ZEB1: variants seen among roughly 807,000 people sequenced by gnomAD.
ZEB1 encodes zinc finger E-box-binding homeobox 1.
A neutral mutation model predicts 84.9 loss-of-function variants in ZEB1; 21 were observed. That is an observed-to-expected ratio of 0.25 (90% confidence interval 0.18 to 0.36). The LOEUF (loss-of-function observed/expected upper bound fraction) is 0.36, where lower values mean the gene tolerates loss of function less well. ZEB1 is among the 10% of genes least tolerant of loss of function. ZEB1 has a pLI of 1.00. For missense variants in ZEB1, 1,104 were observed against 1,330.2 expected (o/e 0.83, Z 2.65); for synonymous variants, 420 against 471.1 (o/e 0.89, Z 1.41).
intron 1 of ZEB1, among the ~76,000 whole-genome samples, chr10:31,353,892 A>G (rs2041701722): frequency 6.6e-6 from 1 of 152,222 alleles, no homozygotes; most frequent in South Asian, 2.1e-4. Flanking sequence ...TTGTTCTTGA[A>G]GATAAGACTG....
At position 31,461,154 on chromosome 10, in the gene ZEB1, A is replaced by G. The variant is rs941960318; in HGVS notation, c.176A>G (p.Asp59Gly). 3.1e-6 allele frequency: 5 copies of G among 1,613,476 alleles called. No homozygotes were observed. The African/African-American group carries it at 6.7e-5, about 22-fold the overall frequency. The change falls in exon 2 of 9, where the codon GAT (aspartate) becomes GGT (glycine). Residue 59 changes from aspartate (D) to glycine (G), a missense_variant. Asp to Gly is a moderately conservative substitution (Grantham distance 94, BLOSUM62 -1). Coordinates refer to ENST00000424869, the MANE Select transcript of ZEB1 (RefSeq NM_001174096.2). Reference protein sequence around the residue: ...DAADCEGVPEDDLPTDQTVLP... With the variant: ...DAADCEGVPEGDLPTDQTVLP... ...GCTGACTGTGAAGGTGTACCAGAGG[A>G]TGACCTGCCAACAGACCAGACAGTG...
At chr10:31,508,939 C>T (rs2069469088) in intron 4 of ZEB1, among the ~76,000 whole-genome samples, 1 of 152,136 alleles carries the variant, frequency 6.6e-6, no homozygotes, top group African/African-American at 2.4e-5. Context: ...AGCACTTTGT[C>T]CCCAGCGGTG....
chr10:31,414,916 T>A (rs1052685568), intron 1 of ZEB1, among the ~76,000 whole-genome samples: 1 of 152,214 alleles, frequency 6.6e-6, no homozygotes, highest in African/African-American at 2.4e-5. Context: ...GTTCATACTT[T>A]GTAAAACTTA....
chr10:31,446,410 C>T (rs981537413), intron 1 of ZEB1, among the ~76,000 whole-genome samples: 3 of 151,666 alleles, frequency 2.0e-5, no homozygotes, highest in African/African-American at 7.3e-5. Context: ...CTCTCTATTT[C>T]CTTCAGTTCT....
intron 4 of ZEB1, among the ~76,000 whole-genome samples, chr10:31,506,894 C>T (rs1258794889): frequency 1.3e-5 from 2 of 151,982 alleles, no homozygotes; most frequent in Non-Finnish European, 2.9e-5. Context: ...TGAGTTCTTT[C>T]TCTTTCTTAT....
At chr10:31,508,688 A>G (rs1299482276) in intron 4 of ZEB1, among the ~76,000 whole-genome samples, 1 of 152,026 alleles carries the variant, frequency 6.6e-6, no homozygotes, top group African/African-American at 2.4e-5. Flanking sequence ...CTATCATGGC[A>G]GGGGCAGGAT....
chr10:31,470,251 G>A (rs1169432104), intron 2 of ZEB1, among the ~76,000 whole-genome samples: 1 of 151,956 alleles, frequency 6.6e-6, no homozygotes, highest in South Asian at 2.1e-4. Context: ...GGCTTCAGAC[G>A]ATCAAATTAC....
At chr10:31,444,010 C>G (rs1380322516) in intron 1 of ZEB1, among the ~76,000 whole-genome samples, 1 of 150,090 alleles carries the variant, frequency 6.7e-6, no homozygotes. Context: ...AATGGTTGAA[C>G]TAGTTTACAG....
intron 1 of ZEB1, among the ~76,000 whole-genome samples, chr10:31,404,600 T>C (rs1439983934): frequency 1.5e-4 from 23 of 152,174 alleles, no homozygotes; most frequent in Admixed American, 1.5e-3. Flanking sequence ...AGTTCATCTT[T>C]GTATGCATTT....
At chr10:31,430,668 A>T (rs2057602257) in intron 1 of ZEB1, among the ~76,000 whole-genome samples, 2 of 152,224 alleles carry the variant, frequency 1.3e-5, no homozygotes, top group African/African-American at 4.8e-5. Context: ...TTAGCTTAAG[A>T]TTAATGTTAC....
intron 2 of ZEB1, among the ~76,000 whole-genome samples, chr10:31,470,044 A>T (rs2063000236): frequency 6.6e-6 from 1 of 151,668 alleles, no homozygotes; most frequent in East Asian, 1.9e-4. Context: ...AAGGACATCC[A>T]CACCAAAAAC....
At chr10:31,481,834 ATACT>A (rs1358709111) in intron 2 of ZEB1, among the ~76,000 whole-genome samples, 11 of 152,086 alleles carry the variant, frequency 7.2e-5, no homozygotes, top group African/African-American at 2.2e-4. Context: ...ATTGATATAA[ATACT>A]TAAACACCTG....
chr10:31,455,897 C>A (rs1385993259), intron 1 of ZEB1, among the ~76,000 whole-genome samples: 1 of 152,092 alleles, frequency 6.6e-6, no homozygotes, highest in Non-Finnish European at 1.5e-5. Context: ...CCCAGCCATC[C>A]CATTACTCGG....
intron 1 of ZEB1, among the ~76,000 whole-genome samples, chr10:31,392,783 T>A (rs1447199369): frequency 6.6e-6 from 1 of 151,290 alleles, no homozygotes; most frequent in African/African-American, 2.4e-5. Flanking sequence ...TATATATAAA[T>A]GTAAAATATA....
At chr10:31,480,454 T>C (rs949206925) in intron 2 of ZEB1, among the ~76,000 whole-genome samples, 2 of 152,062 alleles carry the variant, frequency 1.3e-5, no homozygotes, top group Non-Finnish European at 2.9e-5. Flanking sequence ...AGGTGGTGTA[T>C]GATTTAGAAA....
At chr10:31,495,166 T>G (rs1401228344) in intron 2 of ZEB1, among the ~76,000 whole-genome samples, 2 of 152,050 alleles carry the variant, frequency 1.3e-5, no homozygotes, top group Non-Finnish European at 2.9e-5. Flanking sequence ...GGCAAGTTAT[T>G]TAACTTCTCC....
At position 31,526,662 on chromosome 10, in the gene ZEB1, T is replaced by A. The variant is rs1279717239; in HGVS notation, c.2786-10T>A. The A allele has an allele frequency of 3.1e-6, 5 of 1,613,122 alleles. No individual in the cohort carries two copies. The highest frequency in any genetic ancestry group is 4.2e-6 in the Non-Finnish European group (5 of 1,179,952). ...CCACCATTTTATTTAACAGAATTCT[T>A]ATTTTGCAGGTAAAAGACCTCATGA... is the stretch of plus-strand genomic sequence containing the variant. On this transcript the variant is annotated splice_polypyrimidine_tract_variant and intron_variant, in intron 8 of 8. Transcript: ENST00000424869.
At chr10:31,512,316 C>G (rs1210905877) in intron 5 of ZEB1, among the ~76,000 whole-genome samples, 2 of 152,146 alleles carry the variant, frequency 1.3e-5, no homozygotes, top group East Asian at 3.9e-4. Context: ...TAAAAACAAA[C>G]TCCAAAATCT....
At position 31,496,840 on chromosome 10, in the gene ZEB1, A is replaced by G. The variant is rs141436638; in HGVS notation, c.322+1002A>G. 5.7e-3 allele frequency among the ~76,000 whole-genome samples: 869 copies of G among 152,202 alleles called. 11 individuals are homozygous for G. Among genetic ancestry groups the G allele is most frequent in the Non-Finnish European group, 5.0e-3 (337 of 67,974 alleles). ...TAAGATGAGGTATGGTTCATGGCTA[A>G]TAAGTGTCAAGATTAGATTTTTATC... On this transcript the variant is annotated intron_variant, in intron 3 of 8. Transcript: ENST00000424869.
Sources: gnomAD v4.1 joint callset for allele counts (sites outside exome capture counted in the v4.1 genomes callset) on GRCh38, gnomAD v4.1.1 for gene constraint, MANE v1.5 for transcripts, NCBI Gene and HGNC (gene_info 2026-07-23, HGNC 2026-07-21) for gene names.